SNTG1: variants seen among roughly 807,000 people sequenced by gnomAD.
SNTG1 encodes the protein gamma-1-syntrophin.
A neutral mutation model predicts 74.7 loss-of-function variants in SNTG1; 39 were observed. The ratio of observed to expected loss-of-function variants is 0.52; its 90% CI spans 0.40 to 0.68. The LOEUF is 0.68. Ranked by LOEUF, SNTG1 falls within the 30% of genes least tolerant of loss-of-function variation. The pLI, the probability that SNTG1 is intolerant of heterozygous loss-of-function variation, is 0.00. For missense variants in SNTG1, 685 were observed against 609.5 expected, an observed-to-expected ratio of 1.12 and a Z score of -1.30; for synonymous variants, 254 against 217.1, an observed-to-expected ratio of 1.17 and a Z score of -1.49.
chr8:50,391,030 A>G (rs2092651074), intron 2 of SNTG1, among the ~76,000 whole-genome samples: 1 of 152,150 alleles, frequency 6.6e-6, no homozygotes, highest in Non-Finnish European at 1.5e-5. Flanking sequence ...GGACAATTTG[A>G]CTTCCTCTTT....
At chr8:50,144,469 T>C (rs1216240161) in intron 1 of SNTG1, among the ~76,000 whole-genome samples, 2 of 152,190 alleles carry the variant, frequency 1.3e-5, no homozygotes, top group African/African-American at 4.8e-5. Flanking sequence ...GCCAGCTGCA[T>C]ACAGATTTTC....
intron 1 of SNTG1, among the ~76,000 whole-genome samples, chr8:49,923,511 A>G (rs575919860): frequency 6.6e-6 from 1 of 152,276 alleles, no homozygotes; most frequent in South Asian, 2.1e-4. Context: ...GAACATTTGC[A>G]TAAGATCTTC....
chr8:49,928,064 G>T (rs1165477737), intron 1 of SNTG1, among the ~76,000 whole-genome samples: 3 of 149,820 alleles, frequency 2.0e-5, no homozygotes, highest in Admixed American at 6.6e-5. Context: ...GGGAGGCGGA[G>T]GTTGTAGTGA....
At chr8:50,719,136 A>C (rs1361872226) in intron 17 of SNTG1, among the ~76,000 whole-genome samples, 1 of 152,196 alleles carries the variant, frequency 6.6e-6, no homozygotes, top group Non-Finnish European at 1.5e-5. Flanking sequence ...AAAAGCAACA[A>C]TAACAAGTTA....
chr8:50,725,720 G>GCA (rs1357957245), intron 17 of SNTG1, among the ~76,000 whole-genome samples: 4 of 152,098 alleles, frequency 2.6e-5, no homozygotes, highest in Non-Finnish European at 5.9e-5. Flanking sequence ...TACTTCCCCT[G>GCA]CAATAGACCT....
chr8:50,386,030 T>C (rs544616998), intron 2 of SNTG1, among the ~76,000 whole-genome samples: 1 of 152,300 alleles, frequency 6.6e-6, no homozygotes, highest in Non-Finnish European at 1.5e-5. Flanking sequence ...TGGTTTGCTA[T>C]TTTACTTGCA....
At chr8:50,480,360 G>A (rs1215571783) in intron 8 of SNTG1, among the ~76,000 whole-genome samples, 1 of 151,982 alleles carries the variant, frequency 6.6e-6, no homozygotes, top group Non-Finnish European at 1.5e-5. Context: ...AATGAATGGG[G>A]CATTGTCATT....
rs192303515 is a variant in SNTG1 at position 50,254,434 on chromosome 8, G to A, written c.-28+81799G>A. Among the ~76,000 whole-genome samples the A allele has an allele frequency of 5.3e-5, 8 of 152,266 alleles. No homozygotes were observed. In the East Asian group the frequency reaches 1.5e-3, roughly 29 times the overall value. Reference sequence around the variant, plus strand: ...ATCCTTATGGTTTGTTTTATAGCCTGAGTTTTACAATTCACATTTAAACTC... The same window carrying A: ...ATCCTTATGGTTTGTTTTATAGCCTAAGTTTTACAATTCACATTTAAACTC... On this transcript the variant is annotated intron_variant, in intron 2 of 18. Transcript: ENST00000642720.
intron 15 of SNTG1, among the ~76,000 whole-genome samples, chr8:50,670,361 A>T (rs2131339347): frequency 6.6e-6 from 1 of 152,068 alleles, no homozygotes; most frequent in South Asian, 2.1e-4. Context: ...ATACAAAATC[A>T]ATATACAAAA....
At chr8:50,443,601 G>A (rs2131591682) in intron 5 of SNTG1, among the ~76,000 whole-genome samples, 1 of 152,200 alleles carries the variant, frequency 6.6e-6, no homozygotes, top group South Asian at 2.1e-4. Flanking sequence ...CAGTGGAGTA[G>A]ATAACTATTG....
chr8:50,329,833 G>A (rs113476343), intron 2 of SNTG1, among the ~76,000 whole-genome samples: 67 of 151,762 alleles, frequency 4.4e-4, no homozygotes, highest in African/African-American at 1.2e-3. Context: ...CTATTGCATC[G>A]TCAGGTTGCA....
Position 49,955,680 on chromosome 8 carries a change from G to A in SNTG1, c.-103+43449G>A, listed in dbSNP as rs183252983. The stretch of plus-strand genomic sequence containing the variant: ...GGAGGAGTTCCCAATATTCGCATTG[G>A]CAGTACTCTCCTCAGTAAAAGACAA... On this transcript the variant is annotated intron_variant, in intron 1 of 18. Transcript: ENST00000642720. 3.9e-5 allele frequency among the ~76,000 whole-genome samples: 6 copies of A among 152,248 alleles called. No homozygotes were observed. In the East Asian group the frequency reaches 9.7e-4, roughly 24 times the overall value.
chr8:50,522,893 A>G (rs1197848714), intron 9 of SNTG1, among the ~76,000 whole-genome samples: 1 of 152,050 alleles, frequency 6.6e-6, no homozygotes, highest in East Asian at 1.9e-4. Flanking sequence ...CCTTTTACCT[A>G]TGAAAGTCTT....
chr8:50,100,709 C>G (rs1249485474), intron 1 of SNTG1, among the ~76,000 whole-genome samples: 4 of 152,072 alleles, frequency 2.6e-5, no homozygotes, highest in African/African-American at 9.7e-5. Context: ...ATAAACAGTA[C>G]TTGGTATGCA....
intron 8 of SNTG1, among the ~76,000 whole-genome samples, chr8:50,497,675 A>G (rs371452451): frequency 2.3e-4 from 35 of 152,144 alleles, no homozygotes; most frequent in African/African-American, 8.2e-4. Flanking sequence ...AATCCATGAC[A>G]TAGAATACCC....
At chr8:50,603,958 T>C (rs1203255859) in intron 13 of SNTG1, among the ~76,000 whole-genome samples, 2 of 152,138 alleles carry the variant, frequency 1.3e-5, no homozygotes, top group Non-Finnish European at 2.9e-5. Context: ...AGGCCAGCTG[T>C]GATCACTACC....
chr8:50,662,806 G>A (rs1439962837), intron 15 of SNTG1, among the ~76,000 whole-genome samples: 2 of 151,984 alleles, frequency 1.3e-5, no homozygotes. Flanking sequence ...TTCTTCATCT[G>A]TGAAATGCAG....
chr8:50,426,837 AT>A (rs1177235041), intron 4 of SNTG1, among the ~76,000 whole-genome samples: 1 of 151,530 alleles, frequency 6.6e-6, no homozygotes, highest in Non-Finnish European at 1.5e-5. Flanking sequence ...AGTAACACAA[AT>A]TTAAAAAGCA....
At chr8:50,618,927 ATG>A (rs1295347226) in intron 13 of SNTG1, among the ~76,000 whole-genome samples, 2 of 150,732 alleles carry the variant, frequency 1.3e-5, no homozygotes, top group South Asian at 2.1e-4. Context: ...ATATATGTCT[ATG>A]TGTGTGTGTG....
Sources: gnomAD v4.1 joint callset for allele counts (sites outside exome capture counted in the v4.1 genomes callset) on GRCh38, gnomAD v4.1.1 for gene constraint, MANE v1.5 for transcripts, NCBI Gene and HGNC (gene_info 2026-07-23, HGNC 2026-07-21) for gene names.